Variants in ZCCHC14 observed in about 807,000 individuals in gnomAD.
The protein encoded by ZCCHC14 is zinc finger CCHC-type containing 14.
ZCCHC14 carries 16 observed loss-of-function variants against 85.0 expected under a neutral mutation model. That is an observed-to-expected ratio of 0.19 (90% confidence interval 0.13 to 0.29). The LOEUF (loss-of-function observed/expected upper bound fraction) is 0.29, where lower values mean the gene tolerates loss of function less well. ZCCHC14 is among the 10% of genes least tolerant of loss of function. The pLI is 1.00. For missense variants in ZCCHC14, 1,303 were observed against 1,443.5 expected, an observed-to-expected ratio of 0.90 and a Z score of 1.58; for synonymous variants, 775 against 630.7, an observed-to-expected ratio of 1.23 and a Z score of -3.43.
intron 1 of ZCCHC14, among the ~76,000 whole-genome samples, chr16:87,474,804 C>A (rs1287351708): frequency 6.6e-6 from 1 of 152,224 alleles, no homozygotes; most frequent in Non-Finnish European, 1.5e-5. Context: ...GGACAGCACG[C>A]TCTGCACATC....
At chr16:87,464,446 A>G (rs765917613) in intron 1 of ZCCHC14, among the ~76,000 whole-genome samples, 5 of 152,192 alleles carry the variant, frequency 3.3e-5, no homozygotes, top group Non-Finnish European at 5.9e-5. Context: ...ATCCGGTCCA[A>G]TCCCGGCAAG....
chr16:87,470,013 G>C (rs772019557), intron 1 of ZCCHC14, among the ~76,000 whole-genome samples: 13 of 152,204 alleles, frequency 8.5e-5, no homozygotes, highest in Non-Finnish European at 1.5e-4. Flanking sequence ...GCTGAGGCAG[G>C]AGGATCGCTT....
chr16:87,480,862 T>C (rs1336284105), intron 1 of ZCCHC14, among the ~76,000 whole-genome samples: 1 of 152,098 alleles, frequency 6.6e-6, no homozygotes, highest in Non-Finnish European at 1.5e-5. Context: ...GTGTCCAGTC[T>C]AAGAGAACAG....
chr16:87,478,436 A>G (rs1912120862), intron 1 of ZCCHC14, among the ~76,000 whole-genome samples: 2 of 152,176 alleles, frequency 1.3e-5, no homozygotes, highest in Non-Finnish European at 2.9e-5. Context: ...AAATGGCCTG[A>G]GTTCTCACGT....
chr16:87,417,437 G>A (rs367664269), intron 8 of ZCCHC14, 23 bp downstream of exon 8: 51 of 1,609,152 alleles, frequency 3.2e-5, no homozygotes, highest in African/African-American at 2.7e-4. Context: ...AATTCTGTAC[G>A]GCCAGCCAGA....
chr16:87,451,004 T>A (rs1037075890), intron 2 of ZCCHC14, among the ~76,000 whole-genome samples: 1 of 151,002 alleles, frequency 6.6e-6, no homozygotes, highest in Admixed American at 6.6e-5. Context: ...GTTCAAGCGA[T>A]TCTCCTGCCT....
In ZCCHC14 at chr16:87,412,812, C is replaced by T. The variant is rs746458521; in HGVS notation, c.1909G>A (p.Ala637Thr). The part of the protein sequence containing the change: ...HHPLPPQMLS[A>T]ASHITPIRML... Reference sequence around the variant, plus strand: ...CGGATGGGTGTGATGTGTGAGGCTGCGCTCAGCATCTGCGGGGGCAGGGGG... The same window carrying T: ...CGGATGGGTGTGATGTGTGAGGCTGTGCTCAGCATCTGCGGGGGCAGGGGG... Residue 637 changes from alanine (A) to threonine (T), a missense_variant, in exon 12 of 13, where the codon GCA becomes ACA. Ala to Thr is a moderately conservative substitution (Grantham distance 58). This residue lies in a region of ZCCHC14 where 797 missense variants were observed against 730.8 expected (regional missense o/e 1.09). Coordinates refer to ENST00000671377, the MANE Select transcript of ZCCHC14 (RefSeq NM_015144.3). The T allele has an allele frequency of 1.3e-5, 21 of 1,611,110 alleles. No individual in the cohort carries two copies. The highest frequency in any genetic ancestry group is 4.0e-5 in the African/African-American group (3 of 74,872).
intron 2 of ZCCHC14, among the ~76,000 whole-genome samples, chr16:87,459,090 A>T (rs2150757887): frequency 6.6e-6 from 1 of 152,338 alleles, no homozygotes; most frequent in Non-Finnish European, 1.5e-5. Flanking sequence ...GTGCAGAGCC[A>T]CAGGGGCTCA....
chr16:87,420,756 C>T lies in ZCCHC14; in HGVS notation c.841-40G>A. The T allele has an allele frequency of 7.2e-6, 11 of 1,524,840 alleles. No individual in the cohort carries two copies. Among genetic ancestry groups the T allele is most frequent in the Non-Finnish European group, 9.8e-6 (11 of 1,122,428 alleles). 94.5% of individuals were successfully genotyped at this position (1,524,840 alleles called of 1,614,324 possible). A position where few individuals can be genotyped will look rare whatever the true frequency, so the allele number is the denominator to read the frequency against. On this transcript the variant is annotated intron_variant, in intron 4 of 12. Transcript: ENST00000671377. The surrounding 1 kb of genome is among the most constrained non-coding windows in gnomAD (Gnocchi z 5.0). ...AAGGTAGAGGAGGTGTGTCCAGACC[C>T]ATCCAACACCAGCAGAATTCTGCTA...
chr16:87,445,681 G>A (rs1327656257), intron 2 of ZCCHC14, among the ~76,000 whole-genome samples: 1 of 152,118 alleles, frequency 6.6e-6, no homozygotes, highest in Admixed American at 6.5e-5. Context: ...CAGCCGCTAC[G>A]ACTATGTGAT....
Position 87,435,611 on chromosome 16 carries a change from G to A in ZCCHC14, c.695-2410C>T, listed in dbSNP as rs560477446. On this transcript the variant is annotated intron_variant, in intron 2 of 12. Transcript: ENST00000671377. ...TCCCCAGCGTGTGCTGCAAACACCC[G>A]GCCACGTCCCAGGTCACCCTGCAGG... is the stretch of plus-strand genomic sequence containing the variant. Among the ~76,000 whole-genome samples the A allele has an allele frequency of 3.3e-4, 50 of 152,328 alleles. 2 individuals are homozygous for A. Among genetic ancestry groups the A allele is most frequent in the South Asian group, 2.1e-4 (1 of 4,828 alleles).
At chr16:87,443,186 C>T (rs971073857) in intron 2 of ZCCHC14, among the ~76,000 whole-genome samples, 13 of 152,202 alleles carry the variant, frequency 8.5e-5, no homozygotes, top group East Asian at 1.9e-4. Flanking sequence ...GGATAGAATT[C>T]CTAAGACAAC....
intron 1 of ZCCHC14, among the ~76,000 whole-genome samples, chr16:87,487,858 G>A (rs890911102): frequency 1.3e-5 from 2 of 151,806 alleles, no homozygotes; most frequent in Non-Finnish European, 2.9e-5. Flanking sequence ...CTGACATCAC[G>A]ACACCGAGTG....
chr16:87,424,484 C>G (rs1455755298), intron 3 of ZCCHC14, among the ~76,000 whole-genome samples: 2 of 152,200 alleles, frequency 1.3e-5, no homozygotes, highest in Non-Finnish European at 2.9e-5. Context: ...TCTGCAACGT[C>G]TGGTGTGCCC....
Position 87,491,710 on chromosome 16 carries a change from C to G in ZCCHC14, c.529G>C (p.Gly177Arg). ...CAAGTGGGCAGCGCGCCGCCCGGCCCGGGCGCGCCCTTGCCGCCGTGGCCC... is the reference window on the plus strand; with the variant it reads ...CAAGTGGGCAGCGCGCCGCCCGGCCGGGGCGCGCCCTTGCCGCCGTGGCCC... ...GGGHGGKGAP[G>R]PGGALPTCPA... is the part of the protein sequence containing the mutation. The change falls in exon 1 of 13, where the codon GGG (glycine) becomes CGG (arginine). Residue 177 changes from glycine (G) to arginine (R), a missense_variant. Coordinates refer to ENST00000671377, the MANE Select transcript of ZCCHC14 (RefSeq NM_015144.3). This position sits in a 1 kb window ranked among gnomAD's most constrained non-coding sequence, Gnocchi z 5.9. 2 of 1,501,498 alleles carry G rather than the reference C, an allele frequency of 1.3e-6. No individual in the cohort carries two copies. The highest frequency in any genetic ancestry group is 1.8e-6 in the Non-Finnish European group (2 of 1,133,704). 93.0% of individuals were successfully genotyped at this position (1,501,498 alleles called of 1,614,324 possible). A position where few individuals can be genotyped will look rare whatever the true frequency, so the allele number is the denominator to read the frequency against.
At chr16:87,467,468 T>C (rs1290471747) in intron 1 of ZCCHC14, 4 of 1,606,670 alleles carry the variant, frequency 2.5e-6, no homozygotes, top group Non-Finnish European at 2.6e-6. Flanking sequence ...ACGGTGTGAG[T>C]ACCTCTGGAG....
At chr16:87,431,439 C>G (rs908158064) in intron 3 of ZCCHC14, among the ~76,000 whole-genome samples, 2 of 147,480 alleles carry the variant, frequency 1.4e-5, no homozygotes, top group African/African-American at 5.0e-5. Context: ...CGTCACTGCA[C>G]TCCAGCCTGG....
At chr16:87,434,386 G>A (rs1426064344) in intron 2 of ZCCHC14, among the ~76,000 whole-genome samples, 1 of 152,070 alleles carries the variant, frequency 6.6e-6, no homozygotes, top group African/African-American at 2.4e-5. Flanking sequence ...CAGGCGCCAG[G>A]AGCCCCACGC....
intron 1 of ZCCHC14, among the ~76,000 whole-genome samples, chr16:87,480,407 AAAAT>A (rs893666851): frequency 2.0e-4 from 30 of 152,168 alleles, no homozygotes; most frequent in African/African-American, 7.0e-4. Flanking sequence ...TGTCTCAAAA[AAAAT>A]AAATAAATAA....
Sources: gnomAD v4.1 joint callset for allele counts (sites outside exome capture counted in the v4.1 genomes callset) on GRCh38, gnomAD v4.1.1 for gene constraint, gnomAD v4.1.1 regional missense constraint, Gnocchi (gnomAD v3.1) non-coding constraint, MANE v1.5 for transcripts, NCBI Gene and HGNC (gene_info 2026-07-23, HGNC 2026-07-21) for gene names.